OMD: variants seen among roughly 807,000 people sequenced by gnomAD.
The protein encoded by OMD is KSPG osteomodulin.
OMD carries 19 observed loss-of-function variants against 31.2 expected under a neutral mutation model. That is an observed-to-expected ratio of 0.61 (90% CI 0.42 to 0.89). The LOEUF is 0.89. Among genes scored for constraint, OMD ranks in the 40% least tolerant of loss-of-function variants. OMD has a pLI of 0.00. For synonymous variants in OMD, 155 were observed against 166.4 expected, an observed-to-expected ratio of 0.93 and a Z score of 0.53; for missense variants, 448 against 490.8, an observed-to-expected ratio of 0.91 and a Z score of 0.82.
intron 1 of OMD, among the ~76,000 whole-genome samples, chr9:92,423,414 C>G (rs1401923518): frequency 6.6e-6 from 1 of 151,972 alleles, no homozygotes; most frequent in African/African-American, 2.4e-5. Context: ...TTTACTTGTT[C>G]AGGAAAAGTT....
At position 92,413,239 on chromosome 9, in the gene OMD, G is replaced by A. The variant is rs548160193; in HGVS notation, c.*1913C>T. On this transcript the variant is annotated 3_prime_UTR_variant, in exon 3 of 3. Coordinates refer to ENST00000375550, the MANE Select transcript of OMD (RefSeq NM_005014.3). Reference sequence around the variant, plus strand: ...CGACCCCAGGTGATCCACCTAACTCGGCCTTCCAAAGTGCTGGGATTACAG... The same window carrying A: ...CGACCCCAGGTGATCCACCTAACTCAGCCTTCCAAAGTGCTGGGATTACAG... Among the ~76,000 whole-genome samples, 8 of 151,992 alleles carry A rather than the reference G, an allele frequency of 5.3e-5. No individual in the cohort carries two copies. The highest frequency in any genetic ancestry group is 2.1e-4 in the South Asian group (1 of 4,812).
Position 92,417,077 on chromosome 9 carries a change from G to A in OMD, c.482C>T (p.Pro161Leu), listed in dbSNP as rs1425634415. 3.7e-6 allele frequency: 6 copies of A among 1,613,786 alleles called. No homozygotes were observed. The highest frequency in any genetic ancestry group is 1.3e-5 in the African/African-American group (1 of 74,892). ...NNLEEFPFPL[P>L]KSLERLLLGY... ...AAGAAGGAGTCTTTCCAGAGATTTA[G>A]GAAGAGGAAATGGAAATTCTTCTAA... The change falls in exon 2 of 3, where the codon CCT becomes CTT. Residue 161 changes from proline to leucine, a missense_variant. By Grantham distance (98) the Pro-to-Leu change is moderately conservative (BLOSUM62 -3). Coordinates refer to ENST00000375550, the MANE Select transcript of OMD (RefSeq NM_005014.3).
chr9:92,421,287 C>G (rs1466456142), intron 1 of OMD, among the ~76,000 whole-genome samples: 2 of 152,150 alleles, frequency 1.3e-5, no homozygotes, highest in African/African-American at 4.8e-5. Flanking sequence ...CAGTCTGCCC[C>G]CCTCAGCCTC....
chr9:92,420,023 A>G (rs1843737538), intron 1 of OMD, among the ~76,000 whole-genome samples: 1 of 152,204 alleles, frequency 6.6e-6, no homozygotes, highest in Non-Finnish European at 1.5e-5. Flanking sequence ...AATTTGAAGT[A>G]GTTATTCAGG....
At position 92,412,604 on chromosome 9, in the gene OMD, T is replaced by C. The variant is rs1470154655; in HGVS notation, c.*2548A>G. 6.6e-6 allele frequency among the ~76,000 whole-genome samples: 1 copy of C among 152,236 alleles called. No individual in the cohort carries two copies. Among genetic ancestry groups the C allele is most frequent in the Non-Finnish European group, 1.5e-5 (1 of 68,040 alleles). The stretch of plus-strand genomic sequence containing the variant: ...TGGACATTTCATAAAGATGGAATCA[T>C]ACAATTTGTGTCTTTTTACGACTGA... On this transcript the variant is annotated 3_prime_UTR_variant, in exon 3 of 3. Transcript: ENST00000375550.
rs1564308415 is a variant in OMD at position 92,415,275 on chromosome 9, C to T, written c.1143G>A (p.Arg381=). The T allele has an allele frequency of 6.2e-7, 1 of 1,613,718 alleles. No homozygotes were observed. Among genetic ancestry groups the T allele is most frequent in the African/African-American group, 1.3e-5 (1 of 75,020 alleles). ...QTIQLKTQVF[R]RFPDDDDESE... ...TTTCATCATCATCATCTGGAAATCTCCTGAAAACTTGTGTCTTTAGTTGTA... is the reference window on the plus strand; with the variant it reads ...TTTCATCATCATCATCTGGAAATCTTCTGAAAACTTGTGTCTTTAGTTGTA... The change falls in exon 3 of 3, where the codon AGG becomes AGA. Residue 381 remains arginine (R), a synonymous_variant. Transcript: ENST00000375550.
chr9:92,415,544 A>G (rs1173690059), intron 2 of OMD, 67 bp from the exon 3 acceptor site: 6 of 852,422 alleles, frequency 7.0e-6, no homozygotes, highest in Non-Finnish European at 1.0e-5. Context: ...CCATAATTCT[A>G]TGTTAGATTT....
At position 92,416,869 on chromosome 9, in the gene OMD, A is replaced by G; in HGVS notation, c.690T>C (p.Gly230=). 1 of 1,614,034 alleles carries G rather than the reference A, an allele frequency of 6.2e-7. No individual in the cohort carries two copies. ...ACAGATACATAAGTGAAGAAGGCAA[A>G]CCAGGAGGCATTGATTCTAATCTGT... ...CSNRLESMPP[G]LPSSLMYLSL... The change falls in exon 2 of 3, where the codon GGT becomes GGC. Residue 230 remains glycine, a synonymous_variant. Coordinates refer to ENST00000375550, the MANE Select transcript of OMD (RefSeq NM_005014.3).
chr9:92,420,910 A>G (rs886128359), intron 1 of OMD, among the ~76,000 whole-genome samples: 2 of 152,152 alleles, frequency 1.3e-5, no homozygotes, highest in African/African-American at 4.8e-5. Flanking sequence ...CATAGAGGGA[A>G]GTGAGGAAGA....
chr9:92,416,068 A>ATTTATTTATT (rs1554760092), intron 2 of OMD, among the ~76,000 whole-genome samples: 20 of 137,008 alleles, frequency 1.5e-4, no homozygotes, highest in African/African-American at 4.7e-4. Context: ...GTATATATAT[A>ATTTATTTATT]TATTTATTTA....
In OMD at chr9:92,415,369, A is replaced by G. The variant is rs905388975; in HGVS notation, c.1049T>C (p.Ile350Thr). The stretch of plus-strand genomic sequence containing the variant: ...GTGTATATGAGGGAAGCAGAAGAAG[A>G]TGTATGAGCTTATTGGTTCTTTTAG... ...NKLKEPISSY[I>T]FFCFPHIHTI... Residue 350 changes from isoleucine to threonine, a missense_variant, in exon 3 of 3, where the codon ATC becomes ACC. Ile to Thr is a moderately conservative substitution (Grantham distance 89). Transcript: ENST00000375550. 1 of 1,613,522 alleles carries G rather than the reference A, an allele frequency of 6.2e-7. No individual in the cohort carries two copies. Among genetic ancestry groups the G allele is most frequent in the Admixed American group, 1.7e-5 (1 of 60,000 alleles).
Position 92,413,340 on chromosome 9 carries a change from G to A in OMD, c.*1812C>T, listed in dbSNP as rs1182611408. On this transcript the variant is annotated 3_prime_UTR_variant, in exon 3 of 3. Transcript: ENST00000375550. ...CATACTGCTTTTCTAAGCAGCTGCA[G>A]TATTTACACTCCTTCCAAAGGTGTA... Among the ~76,000 whole-genome samples, 1 of 152,066 alleles carries A rather than the reference G, an allele frequency of 6.6e-6. No homozygotes were observed. Among genetic ancestry groups the A allele is most frequent in the Non-Finnish European group, 1.5e-5 (1 of 68,030 alleles).
At position 92,412,624 on chromosome 9, in the gene OMD, G is replaced by A. The variant is rs764833495; in HGVS notation, c.*2528C>T. Reference sequence around the variant, plus strand: ...AATCATACAATTTGTGTCTTTTTACGACTGACTTCTTTCACTGAGCATAAT... The same window carrying A: ...AATCATACAATTTGTGTCTTTTTACAACTGACTTCTTTCACTGAGCATAAT... On this transcript the variant is annotated 3_prime_UTR_variant, in exon 3 of 3. Coordinates refer to ENST00000375550, the MANE Select transcript of OMD (RefSeq NM_005014.3). 6.6e-6 allele frequency among the ~76,000 whole-genome samples: 1 copy of A among 152,094 alleles called. No individual in the cohort carries two copies. The highest frequency in any genetic ancestry group is 2.4e-5 in the African/African-American group (1 of 41,426).
chr9:92,418,362 C>T (rs1369274905), intron 1 of OMD, among the ~76,000 whole-genome samples: 2 of 151,976 alleles, frequency 1.3e-5, no homozygotes. Context: ...GCTGGGATTA[C>T]AGGCGTGAGC....
chr9:92,416,028 T>A (rs1427110209), intron 2 of OMD, among the ~76,000 whole-genome samples: 10 of 135,838 alleles, frequency 7.4e-5, no homozygotes, highest in African/African-American at 2.6e-4. Context: ...ATATATTTTT[T>A]ATATATAAAT....
chr9:92,413,511 A>G lies in OMD; in HGVS notation c.*1641T>C, dbSNP rs1843502577. On this transcript the variant is annotated 3_prime_UTR_variant, in exon 3 of 3. Transcript: ENST00000375550. ...AATTTTAAATTGCTCTAGGTTAGGA[A>G]TTGTCTTATCTTTGTTTTCTAAAAC... 6.6e-6 allele frequency among the ~76,000 whole-genome samples: 1 copy of G among 152,176 alleles called. No individual in the cohort carries two copies. Among genetic ancestry groups the G allele is most frequent in the Admixed American group, 6.5e-5 (1 of 15,272 alleles).
At chr9:92,418,923 C>T (rs1439029192) in intron 1 of OMD, among the ~76,000 whole-genome samples, 2 of 152,084 alleles carry the variant, frequency 1.3e-5, no homozygotes, top group African/African-American at 2.4e-5. Context: ...GTTCAAGTGT[C>T]TTTACATTTT....
chr9:92,416,685 A>C lies in OMD; in HGVS notation c.874T>G (p.Leu292Val), dbSNP rs763657865. 6.2e-7 allele frequency: 1 copy of C among 1,611,392 alleles called. No homozygotes were observed. The highest frequency in any genetic ancestry group is 8.5e-7 in the Non-Finnish European group (1 of 1,179,278). ...CTTGGAATATAGAATGCTTGCTTCA[A>C]TTTGTTGTGTCCAACACTGAGTTCT... ...IVELSVGHNKLKQAFYIPRNL... is the reference protein window; with the variant it reads ...IVELSVGHNKVKQAFYIPRNL... The change falls in exon 2 of 3, where the codon TTG (leucine) becomes GTG (valine). Residue 292 changes from leucine to valine, a missense_variant. Leu to Val is a conservative substitution (Grantham distance 32). Transcript: ENST00000375550.
rs145256194 is a variant in OMD, at chr9:92,416,713, A to G, written c.846T>C (p.Ile282=). ...IPYNIFNLPN[I]VELSVGHNKL... is the part of the protein sequence containing the mutation. ...TGTTGTGTCCAACACTGAGTTCTAC[A>G]ATGTTGGGAAGATTAAAAATATTAT... Residue 282 remains isoleucine (I), a synonymous_variant, in exon 2 of 3, where the codon ATT becomes ATC. Coordinates refer to ENST00000375550, the MANE Select transcript of OMD (RefSeq NM_005014.3). The G allele has an allele frequency of 7.3e-4, 1,175 of 1,613,766 alleles. No individual in the cohort carries two copies. The highest frequency in any genetic ancestry group is 9.3e-4 in the Non-Finnish European group (1,103 of 1,179,824).
Sources: gnomAD v4.1 joint callset for allele counts (sites outside exome capture counted in the v4.1 genomes callset) on GRCh38, gnomAD v4.1.1 for gene constraint, MANE v1.5 for transcripts, NCBI Gene and HGNC (gene_info 2026-07-23, HGNC 2026-07-21) for gene names.